The following QRFPR variants were observed in gnomAD, a reference collection of about 807,000 sequenced individuals.
The protein encoded by QRFPR is pyroglutamylated RFamide peptide receptor.
QRFPR carries 37 observed loss-of-function variants against 31.3 expected under a neutral mutation model. That is an observed-to-expected ratio of 1.18 (90% confidence interval 0.91 to 1.56). The LOEUF is 1.56. Ranked by LOEUF, QRFPR falls within the 40% of genes most tolerant of loss-of-function variation. The pLI, the probability that QRFPR is intolerant of heterozygous loss-of-function variation, is 0.00. For missense variants in QRFPR, 542 were observed against 532.5 expected (o/e 1.02, Z -0.18); for synonymous variants, 197 against 192.0 (o/e 1.03, Z -0.22).
In QRFPR at chr4:121,329,076, T is replaced by TA. The variant is rs1318322619; in HGVS notation, c.*237dup. ...GCCTTCCATGTTGCTTTTTTAAGGC[T>TA]AGTCAAGTGAAGCAGTGGGAATGAG... On this transcript the variant is annotated 3_prime_UTR_variant, in exon 6 of 6. Coordinates refer to ENST00000394427, the MANE Select transcript of QRFPR (RefSeq NM_198179.3). 2 of 383,636 alleles carry TA rather than the reference T, an allele frequency of 5.2e-6. No individual in the cohort carries two copies. The highest frequency in any genetic ancestry group is 9.2e-6 in the Non-Finnish European group (2 of 217,326). The allele number at this position is 383,636 out of a possible 1,614,324, so 23.8% of individuals were successfully genotyped here.
At chr4:121,369,541 G>C (rs1726192657) in intron 1 of QRFPR, 2 of 1,600,056 alleles carry the variant, frequency 1.2e-6, no homozygotes, top group South Asian at 2.2e-5. Context: ...GTGGCTTCAA[G>C]GCTGCTGGAT....
At chr4:121,365,358 G>T (rs1445567592) in intron 1 of QRFPR, among the ~76,000 whole-genome samples, 2 of 141,402 alleles carry the variant, frequency 1.4e-5, no homozygotes, top group African/African-American at 2.7e-5. Flanking sequence ...GGAGGCTGAG[G>T]CAGGAGAATG....
chr4:121,367,400 C>G (rs1024469086), intron 1 of QRFPR, among the ~76,000 whole-genome samples: 7 of 150,130 alleles, frequency 4.7e-5, no homozygotes, highest in African/African-American at 1.7e-4. Context: ...TTTCTGTTTT[C>G]TGAGTACAAA....
rs188923707 is a variant in QRFPR, at chr4:121,375,320, C to T, written c.340+4988G>A. Among the ~76,000 whole-genome samples the T allele has an allele frequency of 2.3e-3, 357 of 152,294 alleles. 2 individuals carry two copies. The highest frequency in any genetic ancestry group is 8.1e-3 in the African/African-American group (338 of 41,558). On this transcript the variant is annotated intron_variant, in intron 1 of 5. Transcript: ENST00000394427. Reference sequence around the variant, plus strand: ...CTCCTCAATACTTGCACTGTGTGCTCTGGAACCCTGACATCTACAAAATGC... The same window carrying T: ...CTCCTCAATACTTGCACTGTGTGCTTTGGAACCCTGACATCTACAAAATGC...
intron 4 of QRFPR, among the ~76,000 whole-genome samples, chr4:121,331,433 T>C (rs1213455517): frequency 6.6e-6 from 1 of 150,926 alleles, no homozygotes; most frequent in Non-Finnish European, 1.5e-5. Context: ...ATCTTCCAAC[T>C]TCAGCCTCCC....
intron 2 of QRFPR, 94 bp downstream of exon 2, chr4:121,340,358 A>ATAAGAAGC (rs767227037): frequency 2.2e-6 from 3 of 1,343,052 alleles, no homozygotes; most frequent in South Asian, 2.5e-5. Context: ...TACAAGTTAG[A>ATAAGAAGC]TAAGAAGCTA....
Position 121,329,646 on chromosome 4 carries a change from A to G in QRFPR, c.964T>C (p.Phe322Leu). 1 of 1,596,042 alleles carries G rather than the reference A, an allele frequency of 6.3e-7. No homozygotes were observed. The highest frequency in any genetic ancestry group is 8.5e-7 in the Non-Finnish European group (1 of 1,172,130). ...ATGGGATTACAGATGGAGTTGGAAA[A>G]TCCAATAATTTGCACGATAGCAAAA... ...MIFAIVQIIG[F>L]SNSICNPIVY... is the part of the protein sequence containing the mutation. The change falls in exon 6 of 6, where the codon TTT becomes CTT. Residue 322 changes from phenylalanine (F) to leucine (L), a missense_variant. Transcript: ENST00000394427.
intron 3 of QRFPR, 72 bp from the exon 4 acceptor site, chr4:121,333,128 T>C (rs1579567710): frequency 6.3e-6 from 6 of 947,012 alleles, no homozygotes; most frequent in Middle Eastern, 2.4e-4. Flanking sequence ...CCAAGTATTA[T>C]TGCAACACAA....
At chr4:121,350,966 G>A (rs188799666) in intron 1 of QRFPR, among the ~76,000 whole-genome samples, 3 of 152,086 alleles carry the variant, frequency 2.0e-5, no homozygotes, top group Admixed American at 6.5e-5. Context: ...TCATTTATTC[G>A]TTTGTTTTGT....
At position 121,329,583 on chromosome 4, in the gene QRFPR, CA is replaced by C. The variant is rs1325292985; in HGVS notation, c.1026del (p.Asn342LysfsTer10). 9.3e-6 allele frequency: 15 copies of C among 1,613,320 alleles called. No individual in the cohort carries two copies. The highest frequency in any genetic ancestry group is 5.3e-5 in the African/African-American group (4 of 74,882). On this transcript the variant is annotated frameshift_variant, in exon 6 of 6. Transcript: ENST00000394427. LOFTEE classifies it low-confidence loss of function (END_TRUNC). The stretch of plus-strand genomic sequence containing the variant: ...ATGCAATAACAAACTGCAGACAAAA[CA>C]TTTTTTTTGAAGTTTTCATTCATAA... ...YAFMNENFKK[N>X]VLSAVCYCIV...
At chr4:121,360,803 C>T (rs1725973826) in intron 1 of QRFPR, among the ~76,000 whole-genome samples, 1 of 152,106 alleles carries the variant, frequency 6.6e-6, no homozygotes, top group African/African-American at 2.4e-5. Flanking sequence ...TGCATCTTCC[C>T]TTTCTTTCCA....
At chr4:121,379,913 G>A (rs1270635198) in intron 1 of QRFPR, among the ~76,000 whole-genome samples, 1 of 152,048 alleles carries the variant, frequency 6.6e-6, no homozygotes, top group Non-Finnish European at 1.5e-5. Flanking sequence ...AAGAAAACTA[G>A]GGGAGAAAAA....
Position 121,330,623 on chromosome 4 carries a change from A to G in QRFPR, c.798-100T>C, listed in dbSNP as rs145507815. On this transcript the variant is annotated intron_variant, in intron 4 of 5. Coordinates refer to ENST00000394427, the MANE Select transcript of QRFPR (RefSeq NM_198179.3). ...AAGTCTGAGCTTAGTTCACTCAAAC[A>G]TAATTTTTAAATTAAGCTCACGATA... 1.3e-3 allele frequency: 1,037 copies of G among 816,864 alleles called. 11 individuals carry two copies. In the African/African-American group the frequency reaches 0.016, roughly 13 times the overall value. The allele number at this position is 816,864 out of a possible 1,614,324, so 50.6% of individuals were successfully genotyped here.
intron 1 of QRFPR, chr4:121,370,245 T>A (rs772146805): frequency 3.8e-6 from 3 of 781,336 alleles, no homozygotes; most frequent in Non-Finnish European, 7.1e-6. Context: ...GAGGGTATCA[T>A]CATAGCTGAG....
At chr4:121,365,593 T>TATA (rs1726105707) in intron 1 of QRFPR, among the ~76,000 whole-genome samples, 3 of 5,372 alleles carry the variant, frequency 5.6e-4, no homozygotes, top group Non-Finnish European at 9.9e-4. Flanking sequence ...ATATATATTA[T>TATA]ATATATATAA....
chr4:121,356,715 C>A (rs1159310945), intron 1 of QRFPR, among the ~76,000 whole-genome samples: 1 of 152,146 alleles, frequency 6.6e-6, no homozygotes, highest in African/African-American at 2.4e-5. Context: ...AGCTACCAGA[C>A]AAAGTCTCCA....
chr4:121,371,619 G>C (rs1726248101), intron 1 of QRFPR, among the ~76,000 whole-genome samples: 1 of 152,156 alleles, frequency 6.6e-6, no homozygotes, highest in African/African-American at 2.4e-5. Context: ...GGTTCAGCTT[G>C]GTCCTGAGAA....
chr4:121,359,655 G>A (rs6845821), intron 1 of QRFPR, among the ~76,000 whole-genome samples: 2 of 66,618 alleles, frequency 3.0e-5, no homozygotes, highest in African/African-American at 7.9e-5. Flanking sequence ...GTATATATAT[G>A]TGTATATATA....
intron 4 of QRFPR, 45 bp downstream of exon 4, chr4:121,332,776 T>G: frequency 6.9e-7 from 1 of 1,445,784 alleles, no homozygotes; most frequent in Non-Finnish European, 9.6e-7. Flanking sequence ...TCCAGCACAA[T>G]TAATTAAAAA....
Sources: allele counts gnomAD v4.1 joint callset (sites outside exome capture counted in the v4.1 genomes callset), GRCh38; gene constraint gnomAD v4.1.1; transcripts MANE v1.5; gene names NCBI Gene and HGNC (gene_info 2026-07-23, HGNC 2026-07-21).